TBC1D5: variants seen among roughly 807,000 people sequenced by gnomAD.
The protein encoded by TBC1D5 is TBC1 domain family member 5.
A neutral mutation model predicts 100.3 loss-of-function variants in TBC1D5; 75 were observed. The ratio of observed to expected loss-of-function variants is 0.75; its 90% CI spans 0.62 to 0.91. The LOEUF (loss-of-function observed/expected upper bound fraction) is 0.91, where lower values mean the gene tolerates loss of function less well. Among genes scored for constraint, TBC1D5 ranks in the 40% least tolerant of loss-of-function variants. The pLI is 0.00. For synonymous variants in TBC1D5, 323 were observed against 325.6 expected (o/e 0.99, Z 0.09); for missense variants, 910 against 942.4 (o/e 0.97, Z 0.45).
chr3:17,585,398 T>C (rs1018181635), intron 2 of TBC1D5, among the ~76,000 whole-genome samples: 9 of 152,160 alleles, frequency 5.9e-5, no homozygotes, highest in African/African-American at 2.2e-4. Flanking sequence ...ATATACACCT[T>C]ACTAAAAAGA....
At position 17,254,770 on chromosome 3, in the gene TBC1D5, G is replaced by GGT. The variant is rs1477838591; in HGVS notation, c.1331+3735_1331+3736insAC. ...TTGTCTTTACCGTGGCGGGGGTGGG[G>GGT]GGGGGGTCCCAAGACTACCAATTAG... On this transcript the variant is annotated intron_variant, in intron 16 of 21. Coordinates refer to ENST00000253692, the Ensembl canonical transcript of TBC1D5. Among the ~76,000 whole-genome samples the GGT allele has an allele frequency of 7.8e-4, 81 of 103,620 alleles. 1 individual carries two copies. Among genetic ancestry groups the GGT allele is most frequent in the African/African-American group, 2.2e-3 (57 of 26,482 alleles). The allele number at this position is 103,620 out of a possible 152,430, so 68.0% of individuals were successfully genotyped here.
intron 1 of TBC1D5, among the ~76,000 whole-genome samples, chr3:17,646,715 A>T (rs1225417384): frequency 6.6e-6 from 1 of 152,118 alleles, no homozygotes; most frequent in Admixed American, 6.6e-5. Context: ...TAAAATGCTA[A>T]TCTGACCACA....
At chr3:17,292,409 T>TA (rs2081854715) in intron 14 of TBC1D5, among the ~76,000 whole-genome samples, 1 of 122,752 alleles carries the variant, frequency 8.1e-6, no homozygotes, top group East Asian at 1.9e-4. Flanking sequence ...AAATAATATT[T>TA]ACCTTATTAT....
At chr3:17,158,436 GTAAC>G (rs2065772258) in exon 22 of TBC1D5, 1 of 152,146 alleles carries the variant, frequency 6.6e-6, no homozygotes, top group South Asian at 2.1e-4. Context: ...TAATAGCACT[GTAAC>G]TAATAAAATT....
intron 16 of TBC1D5, among the ~76,000 whole-genome samples, chr3:17,251,227 G>A (rs897692035): frequency 6.6e-6 from 1 of 152,068 alleles, no homozygotes; most frequent in African/African-American, 2.4e-5. Flanking sequence ...AACCACTGTA[G>A]CTGTGGAACC....
chr3:17,188,846 G>A (rs997888199), intron 18 of TBC1D5, among the ~76,000 whole-genome samples: 17 of 152,180 alleles, frequency 1.1e-4, no homozygotes, highest in African/African-American at 3.9e-4. Context: ...TAATAAAAAT[G>A]CTTGGCTAAT....
At chr3:17,707,970 CGTT>C (rs1213004072) in intron 1 of TBC1D5, among the ~76,000 whole-genome samples, 1 of 152,148 alleles carries the variant, frequency 6.6e-6, no homozygotes, top group African/African-American at 2.4e-5. Context: ...ATGACATTCA[CGTT>C]ATGCAATCAA....
chr3:17,705,691 G>A (rs1380262620), intron 1 of TBC1D5, among the ~76,000 whole-genome samples: 1 of 138,926 alleles, frequency 7.2e-6, no homozygotes, highest in Non-Finnish European at 1.6e-5. Flanking sequence ...AGATGTGATG[G>A]CGGCTGGGAA....
intron 18 of TBC1D5, among the ~76,000 whole-genome samples, chr3:17,187,178 C>G (rs2069236039): frequency 6.6e-6 from 1 of 152,234 alleles, no homozygotes; most frequent in African/African-American, 2.4e-5. Flanking sequence ...CTCCCTGACT[C>G]TGCATGTTGC....
chr3:17,732,737 A>G (rs2076669572), intron 1 of TBC1D5, among the ~76,000 whole-genome samples: 1 of 151,214 alleles, frequency 6.6e-6, no homozygotes, highest in East Asian at 1.9e-4. Context: ...ATAAATAAAT[A>G]AATAAATAAA....
intron 3 of TBC1D5, among the ~76,000 whole-genome samples, chr3:17,489,185 T>A (rs1196601457): frequency 6.6e-6 from 1 of 151,544 alleles, no homozygotes; most frequent in African/African-American, 2.4e-5. Flanking sequence ...TTTGCTGTAG[T>A]ATATGTAGCA....
intron 2 of TBC1D5, among the ~76,000 whole-genome samples, chr3:17,590,308 G>A (rs959666009): frequency 8.5e-5 from 13 of 152,230 alleles, no homozygotes; most frequent in Admixed American, 8.5e-4. Context: ...GGCCCACTAA[G>A]TAGGGACTCT....
intron 2 of TBC1D5, among the ~76,000 whole-genome samples, chr3:17,597,849 T>G (rs1047145291): frequency 2.0e-5 from 3 of 152,172 alleles, no homozygotes; most frequent in Non-Finnish European, 2.9e-5. Flanking sequence ...AAAACGAGAA[T>G]TTTTTTGAAA....
chr3:17,374,406 T>C, intron 12 of TBC1D5, 65 bp downstream of exon 12: 1 of 1,456,806 alleles, frequency 6.9e-7, no homozygotes, highest in South Asian at 1.3e-5. Flanking sequence ...TGGTTACATG[T>C]TGTTATTTAT....
At chr3:17,542,803 C>T (rs1267641927) in intron 2 of TBC1D5, among the ~76,000 whole-genome samples, 1 of 152,156 alleles carries the variant, frequency 6.6e-6, no homozygotes, top group Non-Finnish European at 1.5e-5. Flanking sequence ...ATTCCAGGAA[C>T]AAATCCCACT....
At chr3:17,381,253 T>C (rs1268557766) in intron 9 of TBC1D5, among the ~76,000 whole-genome samples, 1 of 152,050 alleles carries the variant, frequency 6.6e-6, no homozygotes, top group Non-Finnish European at 1.5e-5. Context: ...GCACAGTTAT[T>C]ATGTTTTTGT....
chr3:17,162,997 G>C (rs1317273616), intron 21 of TBC1D5, among the ~76,000 whole-genome samples: 1 of 152,196 alleles, frequency 6.6e-6, no homozygotes, highest in Non-Finnish European at 1.5e-5. Context: ...AGCATGTTTA[G>C]CAGGGCCTAG....
chr3:17,367,629 C>A (rs559454759), intron 13 of TBC1D5, among the ~76,000 whole-genome samples: 1 of 151,996 alleles, frequency 6.6e-6, no homozygotes, highest in Non-Finnish European at 1.5e-5. Flanking sequence ...GAAGCCCGGG[C>A]GGGCAGATCA....
intron 1 of TBC1D5, among the ~76,000 whole-genome samples, chr3:17,715,417 G>A (rs2075140732): frequency 6.6e-6 from 1 of 152,144 alleles, no homozygotes; most frequent in Admixed American, 6.5e-5. Flanking sequence ...ATACAGGGGG[G>A]CATATGCAAT....
Sources: gnomAD v4.1 joint callset for allele counts (sites outside exome capture counted in the v4.1 genomes callset) on GRCh38, gnomAD v4.1.1 for gene constraint, MANE v1.5 for transcripts, NCBI Gene and HGNC (gene_info 2026-07-23, HGNC 2026-07-21) for gene names.